The following WWOX variants were observed in gnomAD, a reference collection of about 807,000 sequenced individuals.
WWOX encodes WW domain containing oxidoreductase, also known as WW domain-containing oxidoreductase.
In WWOX, 69 loss-of-function variants were observed where a neutral mutation model predicts 46.2. The observed-to-expected ratio is 1.49, with a 90% CI of 1.23 to 1.82. The LOEUF (loss-of-function observed/expected upper bound fraction) is 1.82, where lower values mean the gene tolerates loss of function less well. Ranked by LOEUF, WWOX falls within the 40% of genes most tolerant of loss-of-function variation. The pLI, the probability that WWOX is intolerant of heterozygous loss-of-function variation, is 0.00. For synonymous variants in WWOX, 359 were observed against 202.6 expected, an observed-to-expected ratio of 1.77 and a Z score of -6.56; for missense variants, 919 against 542.6, an observed-to-expected ratio of 1.69 and a Z score of -6.89.
chr16:78,659,542 GAAA>G (rs199579597), intron 8 of WWOX, among the ~76,000 whole-genome samples: 1 of 150,692 alleles, frequency 6.6e-6, no homozygotes, highest in Non-Finnish European at 1.5e-5. Context: ...TGCCAGATAA[GAAA>G]AAAAAACCTT....
rs78871608 is a variant in WWOX at position 79,003,143 on chromosome 16, A to T, written c.1057-208465A>T. On this transcript the variant is annotated intron_variant, in intron 8 of 8. Coordinates refer to ENST00000566780, the MANE Select transcript of WWOX (RefSeq NM_016373.4). Reference sequence around the variant, plus strand: ...CAGTGAGCAGAGATAAGCCTCTCCAATTTACATGTTTGTCATTCTCTAACT... The same window carrying T: ...CAGTGAGCAGAGATAAGCCTCTCCATTTTACATGTTTGTCATTCTCTAACT... Among the ~76,000 whole-genome samples, 823 of 152,310 alleles carry T rather than the reference A, an allele frequency of 5.4e-3. 35 individuals carry two copies. The East Asian group carries it at 0.087, about 16-fold the overall frequency.
At chr16:79,168,100 A>T (rs567438768) in intron 8 of WWOX, among the ~76,000 whole-genome samples, 1 of 152,284 alleles carries the variant, frequency 6.6e-6, no homozygotes, top group East Asian at 1.9e-4. Flanking sequence ...CACTGCATGG[A>T]TATACCACAT....
At chr16:78,836,608 A>C (rs1454280573) in intron 8 of WWOX, among the ~76,000 whole-genome samples, 1 of 152,188 alleles carries the variant, frequency 6.6e-6, no homozygotes, top group Non-Finnish European at 1.5e-5. Context: ...TTGCCAATAC[A>C]GTACCTCATT....
chr16:78,875,951 C>G (rs554974135), intron 8 of WWOX, among the ~76,000 whole-genome samples: 1 of 152,272 alleles, frequency 6.6e-6, no homozygotes, highest in East Asian at 1.9e-4. Context: ...ATCACCCTCC[C>G]TTATCTAGTC....
chr16:78,323,987 C>T (rs929841679), intron 5 of WWOX, among the ~76,000 whole-genome samples: 2 of 152,148 alleles, frequency 1.3e-5, no homozygotes, highest in Admixed American at 6.5e-5. Context: ...GATGCATTTT[C>T]CTCCTCCAAC....
At chr16:78,914,226 A>G (rs567491443) in intron 8 of WWOX, among the ~76,000 whole-genome samples, 4 of 152,096 alleles carry the variant, frequency 2.6e-5, no homozygotes, top group African/African-American at 9.6e-5. Context: ...TTTTCTGTCT[A>G]TCCATCCGTC....
intron 5 of WWOX, among the ~76,000 whole-genome samples, chr16:78,317,558 C>T (rs942896850): frequency 6.6e-6 from 1 of 152,184 alleles, no homozygotes; most frequent in African/African-American, 2.4e-5. Context: ...TACCTTACCT[C>T]CTTCCAGAAC....
chr16:78,726,685 C>G (rs143051251), intron 8 of WWOX, among the ~76,000 whole-genome samples: 1 of 148,462 alleles, frequency 6.7e-6, no homozygotes, highest in Non-Finnish European at 1.5e-5. Context: ...ATGTAAAGCC[C>G]TAGGGTTAGT....
intron 5 of WWOX, among the ~76,000 whole-genome samples, chr16:78,356,071 T>TAAAAAAA (rs61113878): frequency 0.026 from 1,984 of 76,012 alleles, 264 homozygotes; most frequent in Middle Eastern, 0.057. Context: ...TTTTTTTTCC[T>TAAAAAAA]AAAAAAAAAA....
At chr16:78,718,417 T>G (rs1482706076) in intron 8 of WWOX, among the ~76,000 whole-genome samples, 1 of 152,218 alleles carries the variant, frequency 6.6e-6, no homozygotes, top group Non-Finnish European at 1.5e-5. Context: ...AATTTAATGT[T>G]TTTTTGCTCA....
intron 5 of WWOX, among the ~76,000 whole-genome samples, chr16:78,246,891 C>T (rs1301082075): frequency 1.3e-5 from 2 of 151,944 alleles, no homozygotes; most frequent in Non-Finnish European, 2.9e-5. Flanking sequence ...GAAATAAATC[C>T]TTGGACCCCA....
chr16:78,112,519 A>G (rs2032548397), intron 3 of WWOX, among the ~76,000 whole-genome samples: 1 of 152,188 alleles, frequency 6.6e-6, no homozygotes. Flanking sequence ...CCAGGCCACC[A>G]TAGGCAGCCC....
chr16:78,396,112 A>T (rs2082279400), intron 6 of WWOX, among the ~76,000 whole-genome samples: 1 of 152,168 alleles, frequency 6.6e-6, no homozygotes, highest in East Asian at 1.9e-4. Context: ...CAGTGCCAAG[A>T]ACTTGGCTAG....
chr16:79,100,241 A>G (rs890888112), intron 8 of WWOX, among the ~76,000 whole-genome samples: 1 of 152,182 alleles, frequency 6.6e-6, no homozygotes, highest in East Asian at 1.9e-4. Flanking sequence ...TAAAAAAAAG[A>G]TACCCACCAA....
intron 8 of WWOX, among the ~76,000 whole-genome samples, chr16:79,112,073 G>A (rs1396636335): frequency 7.2e-5 from 11 of 152,102 alleles, no homozygotes. Flanking sequence ...CCCCAGGGCT[G>A]GACACAGAAC....
intron 8 of WWOX, among the ~76,000 whole-genome samples, chr16:79,123,869 A>T (rs1187742799): frequency 3.9e-5 from 6 of 152,220 alleles, no homozygotes; most frequent in African/African-American, 1.4e-4. Flanking sequence ...CAGCAACAAT[A>T]GTTAAGAAAC....
At chr16:78,454,323 G>C (rs1216417430) in intron 8 of WWOX, among the ~76,000 whole-genome samples, 2 of 151,110 alleles carry the variant, frequency 1.3e-5, no homozygotes, top group African/African-American at 4.9e-5. Context: ...AGTTTTTTCT[G>C]TTAAAACCCA....
intron 5 of WWOX, among the ~76,000 whole-genome samples, chr16:78,317,387 G>T (rs953917809): frequency 6.6e-6 from 1 of 152,128 alleles, no homozygotes; most frequent in African/African-American, 2.4e-5. Flanking sequence ...ATGGAGACTG[G>T]ATACTGCATC....
chr16:79,134,982 T>C (rs1198800057), intron 8 of WWOX, among the ~76,000 whole-genome samples: 1 of 152,194 alleles, frequency 6.6e-6, no homozygotes, highest in Non-Finnish European at 1.5e-5. Flanking sequence ...ATTTGAAAAT[T>C]AGGATGATTT....
Sources: gnomAD v4.1 joint callset for allele counts (sites outside exome capture counted in the v4.1 genomes callset) on GRCh38, gnomAD v4.1.1 for gene constraint, MANE v1.5 for transcripts, NCBI Gene and HGNC (gene_info 2026-07-23, HGNC 2026-07-21) for gene names.